DLEC1: variants seen among roughly 807,000 people sequenced by gnomAD.
The protein encoded by DLEC1 is deleted in lung and esophageal cancer protein 1.
In DLEC1, 146 loss-of-function variants were observed where a neutral mutation model predicts 198.1. The observed-to-expected ratio is 0.74, with a 90% confidence interval of 0.64 to 0.85. The LOEUF is 0.85. Ranked by LOEUF, DLEC1 falls within the 40% of genes least tolerant of loss-of-function variation. DLEC1 has a pLI of 0.00. For synonymous variants in DLEC1, 897 were observed against 866.8 expected, an observed-to-expected ratio of 1.03 and a Z score of -0.61; for missense variants, 2,233 against 2,220.0, an observed-to-expected ratio of 1.01 and a Z score of -0.12.
chr3:38,069,778 C>T (rs188000236), intron 6 of DLEC1, among the ~76,000 whole-genome samples: 201 of 152,336 alleles, frequency 1.3e-3, no homozygotes, highest in African/African-American at 4.8e-3. Flanking sequence ...AATACCATCC[C>T]ATGGTGCTCA....
Position 38,097,215 on chromosome 3 carries a change from C to T in DLEC1, c.2374C>T (p.Leu792=). 2 of 1,585,950 alleles carry T rather than the reference C, an allele frequency of 1.3e-6. No homozygotes were observed. The highest frequency in any genetic ancestry group is 1.7e-6 in the Non-Finnish European group (2 of 1,164,856). The change falls in exon 16 of 37, where the codon CTG becomes TTG. Residue 792 remains leucine (L), a synonymous_variant. Transcript: ENST00000308059. Reference sequence around the variant, plus strand: ...CAACAGCAAGTCACCCATCAGATACCTGTGGGGGAAGATCAGCGACTGCCA... The same window carrying T: ...CAACAGCAAGTCACCCATCAGATACTTGTGGGGGAAGATCAGCGACTGCCA... ...WNNSKSPIRY[L]WGKISDCHII...
rs1475850265 is a variant in DLEC1, at chr3:38,122,907, T to C, written c.*495T>C. ...GTCATCAGTGTTCACATTTTCCAAA[T>C]GAGTTGAAGTGCCTTGATCTGTCCA... On this transcript the variant is annotated 3_prime_UTR_variant, in exon 37 of 37. Transcript: ENST00000308059. 1.6e-5 allele frequency: 14 copies of C among 890,978 alleles called. No individual in the cohort carries two copies. 55.2% of individuals were successfully genotyped at this position (890,978 alleles called of 1,614,324 possible).
At chr3:38,098,365 A>T (rs886421818) in intron 18 of DLEC1, among the ~76,000 whole-genome samples, 4 of 152,300 alleles carry the variant, frequency 2.6e-5, no homozygotes, top group African/African-American at 9.6e-5. Context: ...AAAATTCAAG[A>T]TTTATTTCGA....
Position 38,117,264 on chromosome 3 carries a change from CCT to C in DLEC1, c.4363_4364del (p.Leu1455GlufsTer6), listed in dbSNP as rs1291401240. 6.2e-7 allele frequency: 1 copy of C among 1,614,030 alleles called. No homozygotes were observed. Among genetic ancestry groups the C allele is most frequent in the African/African-American group, 1.3e-5 (1 of 74,932 alleles). On this transcript the variant is annotated frameshift_variant, in exon 31 of 37. Coordinates refer to ENST00000308059, the MANE Select transcript of DLEC1 (RefSeq NM_007335.4). LOFTEE classifies it high-confidence loss of function. ...HRLQDFAVGP[L>X]KLDLHSYVRP... Reference sequence around the variant, plus strand: ...GCCTGCAGGACTTTGCGGTGGGACCCCTGAAACTGGACCTGCATAGCTACGTG... The same window carrying C: ...GCCTGCAGGACTTTGCGGTGGGACCCGAAACTGGACCTGCATAGCTACGTG...
Position 38,085,420 on chromosome 3 carries a change from G to A in DLEC1, c.1408G>A (p.Ala470Thr). Residue 470 changes from alanine (A) to threonine (T), a missense_variant, in exon 8 of 37, where the codon GCC (alanine) becomes ACC (threonine). Ala to Thr is a moderately conservative substitution (Grantham distance 58). Coordinates refer to ENST00000308059, the MANE Select transcript of DLEC1 (RefSeq NM_007335.4). ...CCACACACTTCTGATCCCCCTGCAGGCCCGGAGGCCGCCCCCCGTGCTGAC... is the reference window on the plus strand; with the variant it reads ...CCACACACTTCTGATCCCCCTGCAGACCCGGAGGCCGCCCCCCGTGCTGAC... Reference protein sequence around the residue: ...SAHTLLIPLQARRPPPVLTLS... With the variant: ...SAHTLLIPLQTRRPPPVLTLS... 8.1e-6 allele frequency: 13 copies of A among 1,613,934 alleles called. No homozygotes were observed. The highest frequency in any genetic ancestry group is 1.1e-5 in the Non-Finnish European group (13 of 1,179,962).
chr3:38,115,091 A>T, intron 27 of DLEC1, 38 bp downstream of exon 27: 1 of 1,611,304 alleles, frequency 6.2e-7, no homozygotes, highest in Non-Finnish European at 8.5e-7. Flanking sequence ...TTCTTGCCAC[A>T]GGCTGTGCCT....
chr3:38,048,275 A>G (rs149335923), intron 2 of DLEC1, among the ~76,000 whole-genome samples: 205 of 152,116 alleles, frequency 1.3e-3, no homozygotes, highest in Admixed American at 2.9e-3. Flanking sequence ...TCCCTCCACC[A>G]CTCCCCACAA....
At chr3:38,101,854 C>G (rs1382533945) in intron 19 of DLEC1, among the ~76,000 whole-genome samples, 1 of 152,196 alleles carries the variant, frequency 6.6e-6, no homozygotes, top group Non-Finnish European at 1.5e-5. Flanking sequence ...GCCTGCAGCT[C>G]AGGGGAAGGG....
intron 7 of DLEC1, among the ~76,000 whole-genome samples, chr3:38,084,449 GGTGGTA>G (rs1559430210): frequency 1.2e-4 from 1 of 8,262 alleles, no homozygotes; most frequent in African/African-American, 4.7e-4. Flanking sequence ...TGGTGGTGGT[GGTGGTA>G]GTAGTAATAG....
chr3:38,095,821 C>T, intron 13 of DLEC1, 67 bp from the exon 14 acceptor site: 1 of 1,598,276 alleles, frequency 6.3e-7, no homozygotes, highest in Non-Finnish European at 8.6e-7. Flanking sequence ...CTGCCATGCC[C>T]CAGCCTTCTC....
chr3:38,114,272 A>G (rs1340047207), intron 25 of DLEC1, 70 bp from the exon 26 acceptor site: 17 of 1,470,112 alleles, frequency 1.2e-5, no homozygotes, highest in Non-Finnish European at 1.6e-5. Flanking sequence ...GGACAAGTGG[A>G]GGCCTTGCCC....
chr3:38,053,169 G>A (rs1260753844), intron 2 of DLEC1, among the ~76,000 whole-genome samples: 1 of 152,180 alleles, frequency 6.6e-6, no homozygotes, highest in African/African-American at 2.4e-5. Flanking sequence ...GCCTGCCTTG[G>A]CCTCCCAAAG....
intron 6 of DLEC1, among the ~76,000 whole-genome samples, chr3:38,079,834 G>A (rs536922895): frequency 6.6e-6 from 1 of 152,174 alleles, no homozygotes; most frequent in Admixed American, 6.5e-5. Flanking sequence ...GCTGGGGTTT[G>A]TCTCACAGTG....
chr3:38,121,500 G>A (rs1700457102), intron 34 of DLEC1, 128 bp from the exon 35 acceptor site: 3 of 1,253,262 alleles, frequency 2.4e-6, no homozygotes, highest in Admixed American at 5.1e-5. Flanking sequence ...CTGGTCCCCT[G>A]CCAACTTCTG....
intron 2 of DLEC1, among the ~76,000 whole-genome samples, chr3:38,059,138 G>A (rs1037995571): frequency 2.0e-5 from 3 of 152,154 alleles, no homozygotes; most frequent in Non-Finnish European, 4.4e-5. Context: ...CGAGCTGGCT[G>A]GGCTTGGCTG....
At chr3:38,078,122 G>T (rs1697737787) in intron 6 of DLEC1, among the ~76,000 whole-genome samples, 1 of 152,184 alleles carries the variant, frequency 6.6e-6, no homozygotes, top group African/African-American at 2.4e-5. Flanking sequence ...AGTCATGGGG[G>T]TCAGGTGTGT....
At position 38,100,450 on chromosome 3, in the gene DLEC1, C is replaced by T. The variant is rs116260449; in HGVS notation, c.2864+25C>T. On this transcript the variant is annotated intron_variant, in intron 19 of 36. Transcript: ENST00000308059. ...GGTAAGGGTGCCGTGGGAAGAGCCA[C>T]TACAACAAACTATGCATATTCGTGA... 1,613 of 1,592,728 alleles carry T rather than the reference C, an allele frequency of 1.0e-3. 13 individuals are homozygous for T. The African/African-American group carries it at 0.02, about 20-fold the overall frequency.
At chr3:38,068,477 C>T (rs1278686890) in intron 6 of DLEC1, among the ~76,000 whole-genome samples, 3 of 152,304 alleles carry the variant, frequency 2.0e-5, no homozygotes, top group South Asian at 4.1e-4. Flanking sequence ...GCAACCCACC[C>T]GCCTCGGCTT....
intron 3 of DLEC1, among the ~76,000 whole-genome samples, chr3:38,061,043 TG>T (rs1034397970): frequency 6.6e-6 from 1 of 152,194 alleles, no homozygotes; most frequent in African/African-American, 2.4e-5. Context: ...TCAATAAGAA[TG>T]GGGCTAACAT....
Sources: allele counts gnomAD v4.1 joint callset (sites outside exome capture counted in the v4.1 genomes callset), GRCh38; gene constraint gnomAD v4.1.1; transcripts MANE v1.5; gene names NCBI Gene and HGNC (gene_info 2026-07-23, HGNC 2026-07-21).